The following TTC27 variants were observed in gnomAD, a reference collection of about 807,000 sequenced individuals.
TTC27 encodes tetratricopeptide repeat protein 27.
In TTC27, 79 loss-of-function variants were observed where a neutral mutation model predicts 115.9. The observed-to-expected ratio is 0.68, with a 90% CI of 0.57 to 0.82. The LOEUF is 0.82. TTC27 is among the 40% of genes least tolerant of loss of function. The pLI is 0.00. For synonymous variants in TTC27, 401 were observed against 356.0 expected (o/e 1.13, Z -1.42); for missense variants, 1,054 against 993.1 (o/e 1.06, Z -0.82).
chr2:32,818,406 G>T (rs576101517), intron 19 of TTC27, among the ~76,000 whole-genome samples: 1 of 152,266 alleles, frequency 6.6e-6, no homozygotes, highest in African/African-American at 2.4e-5. Flanking sequence ...AAGGTAGATG[G>T]CTATTGAGGT....
chr2:32,690,042 A>C (rs910528894), intron 9 of TTC27, among the ~76,000 whole-genome samples: 4 of 152,192 alleles, frequency 2.6e-5, no homozygotes, highest in African/African-American at 9.7e-5. Context: ...GCCCTTGCTT[A>C]AGGTCATCAT....
intron 16 of TTC27, among the ~76,000 whole-genome samples, chr2:32,810,462 A>G (rs10205859): frequency 0.22 from 32,993 of 152,144 alleles, 3,694 homozygotes; most frequent in Admixed American, 0.27. Flanking sequence ...GTTGTGGCAG[A>G]AGTGGGAGAT....
chr2:32,640,210 A>G lies in TTC27; in HGVS notation c.397-60A>G, dbSNP rs150676116. On this transcript the variant is annotated intron_variant, in intron 3 of 19. Transcript: ENST00000317907. ...TGGAAAATCTTTGTATTATTACAAG[A>G]CATATAAAGATTAATATTTTGTTAA... The G allele has an allele frequency of 8.9e-6, 13 of 1,459,196 alleles. No individual in the cohort carries two copies. The East Asian group carries it at 9.9e-5, about 11-fold the overall frequency. The allele number at this position is 1,459,196 out of a possible 1,614,324, so 90.4% of individuals were successfully genotyped here. A position where few individuals can be genotyped will look rare whatever the true frequency, so the allele number is the denominator to read the frequency against.
intron 10 of TTC27, among the ~76,000 whole-genome samples, chr2:32,712,249 G>C (rs1447036827): frequency 6.6e-6 from 1 of 152,154 alleles, no homozygotes; most frequent in Non-Finnish European, 1.5e-5. Context: ...ATGATTATAA[G>C]ATCCACAGAA....
chr2:32,738,745 A>G (rs945334189), intron 12 of TTC27, among the ~76,000 whole-genome samples: 1 of 152,244 alleles, frequency 6.6e-6, no homozygotes, highest in Non-Finnish European at 1.5e-5. Flanking sequence ...GTATTACTGA[A>G]ATAAACATTT....
intron 12 of TTC27, among the ~76,000 whole-genome samples, chr2:32,742,914 T>A (rs1030261052): frequency 3.3e-5 from 5 of 152,172 alleles, no homozygotes; most frequent in Non-Finnish European, 5.9e-5. Context: ...AAATTTTTTT[T>A]AATCCTAAAG....
intron 3 of TTC27, among the ~76,000 whole-genome samples, chr2:32,637,342 T>C (rs377569422): frequency 6.6e-6 from 1 of 152,210 alleles, no homozygotes; most frequent in East Asian, 1.9e-4. Flanking sequence ...TTCTTTCTTT[T>C]TTTTTTTCAG....
intron 12 of TTC27, among the ~76,000 whole-genome samples, chr2:32,754,893 C>G (rs1415946723): frequency 1.3e-5 from 2 of 151,546 alleles, no homozygotes; most frequent in Non-Finnish European, 2.9e-5. Context: ...CCCCACCTCC[C>G]TCCCGGACGG....
chr2:32,703,310 T>C (rs1471570121), intron 10 of TTC27, among the ~76,000 whole-genome samples: 1 of 151,872 alleles, frequency 6.6e-6, no homozygotes, highest in African/African-American at 2.4e-5. Context: ...CTACTGAAAA[T>C]ACAAAAATTA....
chr2:32,772,747 A>G (rs533755371), intron 13 of TTC27, among the ~76,000 whole-genome samples: 36 of 152,314 alleles, frequency 2.4e-4, no homozygotes, highest in Non-Finnish European at 4.3e-4. Context: ...ACATAACCCT[A>G]TAAGTTGAAG....
intron 6 of TTC27, 82 bp from the exon 7 acceptor site, chr2:32,666,553 G>T: frequency 7.0e-7 from 1 of 1,425,592 alleles, no homozygotes; most frequent in South Asian, 1.5e-5. Context: ...AAACTCTAAA[G>T]CACTCTGAAA....
intron 13 of TTC27, among the ~76,000 whole-genome samples, chr2:32,762,882 C>T (rs927917229): frequency 3.9e-5 from 6 of 152,082 alleles, no homozygotes; most frequent in South Asian, 4.1e-4. Flanking sequence ...CCTTGTGATC[C>T]GCCCGCCTCG....
Position 32,813,033 on chromosome 2 carries a change from A to G in TTC27, c.2308+418A>G, listed in dbSNP as rs1001904283. On this transcript the variant is annotated intron_variant, in intron 18 of 19. Coordinates refer to ENST00000317907, the MANE Select transcript of TTC27 (RefSeq NM_017735.5). ...GAGCTGTAGCATATACAAAAGAAATATAAAATAAAAGCCTTATCTTTGGGA... is the reference window on the plus strand; with the variant it reads ...GAGCTGTAGCATATACAAAAGAAATGTAAAATAAAAGCCTTATCTTTGGGA... 2.6e-5 allele frequency among the ~76,000 whole-genome samples: 4 copies of G among 152,238 alleles called. No individual in the cohort carries two copies. In the East Asian group the frequency reaches 5.8e-4, roughly 22 times the overall value.
intron 16 of TTC27, among the ~76,000 whole-genome samples, chr2:32,806,208 G>A (rs1243553922): frequency 6.6e-6 from 1 of 152,136 alleles, no homozygotes; most frequent in Non-Finnish European, 1.5e-5. Flanking sequence ...GTAACAGTGG[G>A]TAAAAACATT....
At chr2:32,715,746 C>T (rs1322802302) in intron 10 of TTC27, among the ~76,000 whole-genome samples, 1 of 152,032 alleles carries the variant, frequency 6.6e-6, no homozygotes, top group African/African-American at 2.4e-5. Context: ...TGATTAAGGG[C>T]ATGTCATAAT....
intron 10 of TTC27, among the ~76,000 whole-genome samples, chr2:32,711,519 A>G (rs138125150): frequency 5.3e-4 from 81 of 152,374 alleles, no homozygotes; most frequent in African/African-American, 1.7e-3. Context: ...CTGAGGAATA[A>G]GAGGAAAATG....
At chr2:32,768,679 G>A (rs1263088718) in intron 13 of TTC27, among the ~76,000 whole-genome samples, 1 of 152,188 alleles carries the variant, frequency 6.6e-6, no homozygotes, top group Non-Finnish European at 1.5e-5. Flanking sequence ...GGTATTATGG[G>A]AAGTTTAAAT....
intron 2 of TTC27, among the ~76,000 whole-genome samples, chr2:32,632,658 G>C (rs1664260642): frequency 6.6e-6 from 1 of 151,708 alleles, no homozygotes; most frequent in African/African-American, 2.4e-5. Context: ...GCTACCATAG[G>C]CTTGTATGTT....
At chr2:32,698,576 T>C (rs967442691) in intron 9 of TTC27, among the ~76,000 whole-genome samples, 5 of 150,018 alleles carry the variant, frequency 3.3e-5, no homozygotes, top group Non-Finnish European at 5.9e-5. Flanking sequence ...GCCTCCCGGG[T>C]TCACGCCATT....
Sources: gnomAD v4.1 joint callset for allele counts (sites outside exome capture counted in the v4.1 genomes callset) on GRCh38, gnomAD v4.1.1 for gene constraint, MANE v1.5 for transcripts, NCBI Gene and HGNC (gene_info 2026-07-23, HGNC 2026-07-21) for gene names.